SYNE1: variants seen among roughly 807,000 people sequenced by gnomAD.
SYNE1 encodes spectrin repeat containing nuclear envelope protein 1.
A neutral mutation model predicts 1,111.0 loss-of-function variants in SYNE1; 616 were observed. The ratio of observed to expected loss-of-function variants is 0.55; its 90% CI spans 0.52 to 0.59. SYNE1 has a LOEUF of 0.59. Among genes scored for constraint, SYNE1 ranks in the 20% least tolerant of loss-of-function variants. The pLI is 0.00. For missense variants in SYNE1, 10,006 were observed against 10,417.0 expected, an observed-to-expected ratio of 0.96 and a Z score of 1.72; for synonymous variants, 3,855 against 3,825.8, an observed-to-expected ratio of 1.01 and a Z score of -0.28.
intron 4 of SYNE1, among the ~76,000 whole-genome samples, chr6:152,534,724 C>G (rs999981506): frequency 6.6e-6 from 1 of 152,118 alleles, no homozygotes. Flanking sequence ...TACAAGGAAA[C>G]AGATGGGAGT....
intron 3 of SYNE1, among the ~76,000 whole-genome samples, chr6:152,609,641 A>T (rs1397425463): frequency 6.6e-6 from 1 of 152,130 alleles, no homozygotes; most frequent in East Asian, 1.9e-4. Context: ...ACGGCGTTTG[A>T]GCTCTGAGAA....
intron 4 of SYNE1, among the ~76,000 whole-genome samples, chr6:152,532,143 A>G (rs1370549775): frequency 6.6e-6 from 1 of 152,076 alleles, no homozygotes; most frequent in African/African-American, 2.4e-5. Flanking sequence ...TTACTAGCAT[A>G]TCATCACTGT....
chr6:152,317,022 ACTC>A (rs759375205), intron 86 of SYNE1, 36 bp from the exon 87 acceptor site: 11 of 1,611,470 alleles, frequency 6.8e-6, no homozygotes, highest in Admixed American at 6.7e-5. Context: ...ACAAATGTAA[ACTC>A]CTCAGTTTCT....
At chr6:152,249,725 T>C (rs1481110155) in intron 104 of SYNE1, among the ~76,000 whole-genome samples, 2 of 152,164 alleles carry the variant, frequency 1.3e-5, no homozygotes, top group African/African-American at 4.8e-5. Flanking sequence ...TCTTCTATTT[T>C]TGGAAAATTT....
intron 3 of SYNE1, among the ~76,000 whole-genome samples, chr6:152,618,277 G>A (rs1324784272): frequency 6.6e-6 from 1 of 152,186 alleles, no homozygotes; most frequent in Non-Finnish European, 1.5e-5. Context: ...AGCTGAAAAA[G>A]CAGGCCATGA....
intron 2 of SYNE1, among the ~76,000 whole-genome samples, chr6:152,636,437 C>A (rs1225092791): frequency 6.6e-6 from 1 of 152,110 alleles, no homozygotes; most frequent in Non-Finnish European, 1.5e-5. Context: ...AGAGGCTCCC[C>A]AACCTCCTAG....
chr6:152,194,260 C>T (rs933359788), intron 127 of SYNE1, among the ~76,000 whole-genome samples: 3 of 152,100 alleles, frequency 2.0e-5, no homozygotes, highest in African/African-American at 4.8e-5. Flanking sequence ...GATTGAAAGA[C>T]GTTTTCACTG....
At chr6:152,136,907 A>C in intron 140 of SYNE1, 89 bp from the exon 141 acceptor site, 1 of 1,471,180 alleles carries the variant, frequency 6.8e-7, no homozygotes, top group South Asian at 1.2e-5. Flanking sequence ...GAAAAGATCC[A>C]TTAATTTAAA....
intron 16 of SYNE1, among the ~76,000 whole-genome samples, chr6:152,467,743 T>G (rs1353801120): frequency 1.3e-5 from 2 of 152,144 alleles, no homozygotes; most frequent in Admixed American, 1.3e-4. Context: ...ATTAATGTAT[T>G]TTTGAATTTG....
intron 108 of SYNE1, among the ~76,000 whole-genome samples, chr6:152,239,159 C>T (rs961806517): frequency 1.3e-5 from 2 of 152,090 alleles, no homozygotes; most frequent in Non-Finnish European, 2.9e-5. Context: ...TCAAGTGATC[C>T]ACCCGCCTCA....
chr6:152,413,246 T>C lies in SYNE1; in HGVS notation c.6230+106A>G, dbSNP rs572328770. 84 of 1,206,206 alleles carry C rather than the reference T, an allele frequency of 7.0e-5. 2 individuals carry two copies. The highest frequency in any genetic ancestry group is 6.7e-4 in the South Asian group (55 of 81,902). 74.7% of individuals were successfully genotyped at this position (1,206,206 alleles called of 1,614,324 possible). A position where few individuals can be genotyped will look rare whatever the true frequency, so the allele number is the denominator to read the frequency against. ...AAGTGACACAGAATATCTAAAATGG[T>C]AAAAGATATTTAACTACTGATCACA... On this transcript the variant is annotated intron_variant, in intron 42 of 145. Transcript: ENST00000367255.
chr6:152,500,080 CAG>C (rs2099021088), intron 10 of SYNE1, among the ~76,000 whole-genome samples: 1 of 152,138 alleles, frequency 6.6e-6, no homozygotes, highest in East Asian at 1.9e-4. Context: ...TGATTAATGT[CAG>C]AGACTCTAAA....
At chr6:152,409,288 A>T in intron 43 of SYNE1, 62 bp from the exon 44 acceptor site, 1 of 1,524,804 alleles carries the variant, frequency 6.6e-7, no homozygotes, top group Admixed American at 1.7e-5. Flanking sequence ...GTTTAAAACC[A>T]TTTGTCTCTA....
chr6:152,449,527 A>G lies in SYNE1; in HGVS notation c.3504+6T>C. 1 of 1,608,970 alleles carries G rather than the reference A, an allele frequency of 6.2e-7. No individual in the cohort carries two copies. The highest frequency in any genetic ancestry group is 1.1e-5 in the South Asian group (1 of 90,954). On this transcript the variant is annotated splice_donor_region_variant and intron_variant, in intron 28 of 145. Transcript: ENST00000367255. ...TTCCTCTAGCAAATAATGACCCTGA[A>G]CTTACTTCAACGGCACGTTTAACCT...
At position 152,586,080 on chromosome 6, in the gene SYNE1, CCT is replaced by C. The variant is rs148576021; in HGVS notation, c.67+42183_67+42184del. Among the ~76,000 whole-genome samples the C allele has an allele frequency of 7.7e-3, 1,173 of 152,178 alleles. 16 individuals are homozygous for C. The highest frequency in any genetic ancestry group is 0.027 in the African/African-American group (1,110 of 41,528). The stretch of plus-strand genomic sequence containing the variant: ...GCCTATTTTGAACTACATATTCCAC[CCT>C]GAGTATATATATGTCTAAATTACTA... On this transcript the variant is annotated intron_variant, in intron 3 of 145. Coordinates refer to ENST00000367255, the MANE Select transcript of SYNE1 (RefSeq NM_182961.4).
Position 152,331,659 on chromosome 6 carries a change from G to A in SYNE1, c.13026C>T (p.Asn4342=), listed in dbSNP as rs2096250644. ...IKRKIQVSVT[N]LEELNVVQSR... ...ACTGCACCACATTTAACTCCTCCAAGTTGGTGACTGACACTTGGATTTTCC... is the reference window on the plus strand; with the variant it reads ...ACTGCACCACATTTAACTCCTCCAAATTGGTGACTGACACTTGGATTTTCC... Residue 4342 remains asparagine (N), a synonymous_variant, in exon 78 of 146, where the codon AAC becomes AAT. Transcript: ENST00000367255. 2.5e-6 allele frequency: 4 copies of A among 1,614,170 alleles called. No individual in the cohort carries two copies. In the Middle Eastern group the frequency reaches 6.6e-4, roughly 266 times the overall value.
At chr6:152,451,257 A>G in intron 25 of SYNE1, 52 bp from the exon 26 acceptor site, 2 of 1,582,176 alleles carry the variant, frequency 1.3e-6, no homozygotes, top group Non-Finnish European at 1.7e-6. Context: ...CTGATTATGT[A>G]CATTCCCAAT....
intron 90 of SYNE1, among the ~76,000 whole-genome samples, chr6:152,309,328 G>T (rs2095478504): frequency 6.6e-6 from 1 of 152,182 alleles, no homozygotes; most frequent in Non-Finnish European, 1.5e-5. Context: ...ATTATTAGTT[G>T]AAGGGAGACA....
In SYNE1 at chr6:152,294,782, T is replaced by C. The variant is rs562230119; in HGVS notation, c.17683-655A>G. 2.6e-5 allele frequency among the ~76,000 whole-genome samples: 4 copies of C among 152,308 alleles called. No individual in the cohort carries two copies. In the South Asian group the frequency reaches 8.3e-4, roughly 32 times the overall value. ...GCTTTCAAATTTTTTAAACCTATTA[T>C]AACATTACATATTTTATTTGTACTG... On this transcript the variant is annotated intron_variant, in intron 93 of 145. Transcript: ENST00000367255.
Sources: gnomAD v4.1 joint callset for allele counts (sites outside exome capture counted in the v4.1 genomes callset) on GRCh38, gnomAD v4.1.1 for gene constraint, MANE v1.5 for transcripts, NCBI Gene and HGNC (gene_info 2026-07-23, HGNC 2026-07-21) for gene names.